COP1: variants seen among roughly 807,000 people sequenced by gnomAD.
The protein encoded by COP1 is E3 ubiquitin-protein ligase COP1.
Under a neutral mutation model 101.3 loss-of-function variants are expected in COP1, and 24 were observed. The ratio of observed to expected loss-of-function variants is 0.24; its 90% CI spans 0.17 to 0.33. The LOEUF is 0.33. Ranked by LOEUF, COP1 falls within the 10% of genes least tolerant of loss-of-function variation. The pLI is 1.00. For missense variants in COP1, 663 were observed against 906.2 expected (o/e 0.73, Z 3.45); for synonymous variants, 347 against 341.9 (o/e 1.01, Z -0.17).
chr1:176,140,447 G>A (rs1408246362), intron 6 of COP1, among the ~76,000 whole-genome samples: 1 of 152,168 alleles, frequency 6.6e-6, no homozygotes, highest in African/African-American at 2.4e-5. Flanking sequence ...AAACTGTTGA[G>A]AGAGCACATA....
intron 16 of COP1, 53 bp from the exon 17 acceptor site, chr1:175,988,465 C>G (rs1348576866): frequency 6.7e-7 from 1 of 1,499,764 alleles, no homozygotes; most frequent in Non-Finnish European, 9.0e-7. Flanking sequence ...TGGCACGAAA[C>G]TCATCACTAC....
At chr1:175,953,115 GAGAAT>G (rs1274218248) in intron 18 of COP1, among the ~76,000 whole-genome samples, 1 of 151,942 alleles carries the variant, frequency 6.6e-6, no homozygotes. Context: ...AATAAAAGGG[GAGAAT>G]AGAAGTATAA....
chr1:176,095,926 T>C (rs1432707020), intron 9 of COP1, among the ~76,000 whole-genome samples: 1 of 152,172 alleles, frequency 6.6e-6, no homozygotes, highest in Non-Finnish European at 1.5e-5. Flanking sequence ...ACAAATTAAA[T>C]CCTGCATTAA....
intron 6 of COP1, among the ~76,000 whole-genome samples, chr1:176,143,772 T>C (rs1024496653): frequency 6.6e-6 from 1 of 152,230 alleles, no homozygotes; most frequent in Non-Finnish European, 1.5e-5. Flanking sequence ...ATCAGGATGG[T>C]TGGTCACTCT....
chr1:176,112,505 TAATC>T (rs1685471663), intron 9 of COP1, among the ~76,000 whole-genome samples: 1 of 152,212 alleles, frequency 6.6e-6, no homozygotes, highest in Non-Finnish European at 1.5e-5. Context: ...CAATGTGTAA[TAATC>T]AATTAGGGTA....
chr1:176,146,416 C>G (rs1257368498), intron 6 of COP1, among the ~76,000 whole-genome samples: 4 of 152,216 alleles, frequency 2.6e-5, no homozygotes, highest in Non-Finnish European at 4.4e-5. Context: ...TTCTAACAAA[C>G]AGAAAACAGC....
At chr1:176,191,274 G>A (rs1303424077) in intron 1 of COP1, among the ~76,000 whole-genome samples, 1 of 151,792 alleles carries the variant, frequency 6.6e-6, no homozygotes, top group Non-Finnish European at 1.5e-5. Flanking sequence ...AATCTCAGAA[G>A]AGTAAAAAAT....
intron 5 of COP1, among the ~76,000 whole-genome samples, chr1:176,157,102 G>A (rs886706640): frequency 1.3e-5 from 2 of 152,070 alleles, no homozygotes; most frequent in Non-Finnish European, 2.9e-5. Context: ...GGAGGCTGAG[G>A]CAGGAGAATC....
At chr1:176,022,568 A>T (rs538999601) in intron 15 of COP1, among the ~76,000 whole-genome samples, 1 of 152,358 alleles carries the variant, frequency 6.6e-6, no homozygotes, top group Non-Finnish European at 1.5e-5. Context: ...GCTACATTTT[A>T]AAAAATGTTT....
chr1:175,994,173 A>C (rs1315275147), intron 15 of COP1, among the ~76,000 whole-genome samples: 2 of 152,200 alleles, frequency 1.3e-5, no homozygotes, highest in East Asian at 3.8e-4. Context: ...GAAATAAAAT[A>C]CTTTACAGAC....
chr1:176,174,527 TCTG>T (rs1348942836), intron 3 of COP1, among the ~76,000 whole-genome samples: 2 of 150,458 alleles, frequency 1.3e-5, no homozygotes, highest in East Asian at 4.0e-4. Flanking sequence ...AGCACCCCTT[TCTG>T]CTATGTAATC....
rs1468676672 is a variant in COP1 at position 176,099,511 on chromosome 1, C to G, written c.1027-13621G>C. On this transcript the variant is annotated intron_variant, in intron 9 of 19. Coordinates refer to ENST00000367669, the MANE Select transcript of COP1 (RefSeq NM_022457.7). Reference sequence around the variant, plus strand: ...AAAAATTTGGAGCATATTTGTCTCTCTCTCTCTCTCTCTCTCTCTCTCTCT... The same window carrying G: ...AAAAATTTGGAGCATATTTGTCTCTGTCTCTCTCTCTCTCTCTCTCTCTCT... Among the ~76,000 whole-genome samples, 7 of 109,920 alleles carry G rather than the reference C, an allele frequency of 6.4e-5. No individual in the cohort carries two copies. The East Asian group carries it at 1.5e-3, about 23-fold the overall frequency. The allele number at this position is 109,920 out of a possible 152,430, so 72.1% of individuals were successfully genotyped here.
chr1:176,117,207 ATAT>A (rs1686339644), intron 8 of COP1, among the ~76,000 whole-genome samples: 1 of 152,202 alleles, frequency 6.6e-6, no homozygotes, highest in South Asian at 2.1e-4. Context: ...CAGCTTCAAA[ATAT>A]TATAATCAAA....
chr1:175,952,404 A>G (rs1376834783), intron 18 of COP1, among the ~76,000 whole-genome samples: 1 of 141,566 alleles, frequency 7.1e-6, no homozygotes, highest in Non-Finnish European at 1.5e-5. Context: ...CCTGGGCGAC[A>G]AGAGCAAGAC....
intron 15 of COP1, among the ~76,000 whole-genome samples, chr1:176,011,418 A>G (rs906961380): frequency 1.3e-5 from 2 of 152,202 alleles, no homozygotes; most frequent in Admixed American, 1.3e-4. Context: ...AAAGGGAGGA[A>G]AGTAACCGAA....
intron 6 of COP1, among the ~76,000 whole-genome samples, chr1:176,143,146 A>AGAGAGAGAGAGAGAGAGAGAGAGAG (rs1553286862): frequency 3.0e-5 from 2 of 66,570 alleles, no homozygotes; most frequent in African/African-American, 9.5e-5. Flanking sequence ...GAGCGAGAGA[A>AGAGAGAGAGAGAGAGAGAGAGAGAG]AGAGAGAGAG....
chr1:176,047,256 T>A (rs1010694971), intron 11 of COP1, among the ~76,000 whole-genome samples: 1 of 152,232 alleles, frequency 6.6e-6, no homozygotes, highest in African/African-American at 2.4e-5. Context: ...TAATACCTAA[T>A]ATTCATTAAT....
In COP1 at chr1:176,063,692, G is replaced by C. The variant is rs571918483; in HGVS notation, c.1278-17368C>G. ...TTCAATGTTAGTATGATATAGCTAA[G>C]TTGCCTAAACATAGGTTAGCTTTTG... On this transcript the variant is annotated intron_variant, in intron 11 of 19. Coordinates refer to ENST00000367669, the MANE Select transcript of COP1 (RefSeq NM_022457.7). 2.0e-5 allele frequency among the ~76,000 whole-genome samples: 3 copies of C among 152,174 alleles called. No homozygotes were observed. In the South Asian group the frequency reaches 6.2e-4, roughly 31 times the overall value.
intron 9 of COP1, among the ~76,000 whole-genome samples, chr1:176,088,919 C>A (rs1680729642): frequency 6.8e-6 from 1 of 147,376 alleles, no homozygotes; most frequent in African/African-American, 2.5e-5. Context: ...CACTTGAACC[C>A]AGGAGGCAGA....
Sources: gnomAD v4.1 joint callset for allele counts (sites outside exome capture counted in the v4.1 genomes callset) on GRCh38, gnomAD v4.1.1 for gene constraint, MANE v1.5 for transcripts, NCBI Gene and HGNC (gene_info 2026-07-23, HGNC 2026-07-21) for gene names.